The following AOAH variants were observed in gnomAD, a reference collection of about 807,000 sequenced individuals.
AOAH encodes the protein acyloxyacyl hydrolase.
A neutral mutation model predicts 92.2 loss-of-function variants in AOAH; 64 were observed. The ratio of observed to expected loss-of-function variants is 0.69; its 90% confidence interval spans 0.57 to 0.86. AOAH has a LOEUF of 0.86. Among genes scored for constraint, AOAH ranks in the 40% least tolerant of loss-of-function variants. AOAH has a pLI of 0.00. For synonymous variants in AOAH, 263 were observed against 254.5 expected, an observed-to-expected ratio of 1.03 and a Z score of -0.32; for missense variants, 656 against 694.6, an observed-to-expected ratio of 0.94 and a Z score of 0.62.
chr7:36,665,829 C>T (rs1795499372), intron 3 of AOAH, among the ~76,000 whole-genome samples: 1 of 151,898 alleles, frequency 6.6e-6, no homozygotes, highest in Non-Finnish European at 1.5e-5. Context: ...CTTTTTGAGC[C>T]TGTTGATACG....
chr7:36,517,256 G>GTCTCTC (rs1562854226), intron 20 of AOAH, among the ~76,000 whole-genome samples: 11 of 39,130 alleles, frequency 2.8e-4, no homozygotes, highest in African/African-American at 9.0e-4. Flanking sequence ...TTCTTTCTGT[G>GTCTCTC]TCTCTCTCTT....
intron 12 of AOAH, among the ~76,000 whole-genome samples, chr7:36,579,402 C>T (rs564986445): frequency 6.0e-5 from 9 of 149,512 alleles, no homozygotes; most frequent in South Asian, 4.2e-4. Flanking sequence ...TATAATAAAA[C>T]GACTATTGTT....
intron 13 of AOAH, 95 bp from the exon 14 acceptor site, chr7:36,549,570 C>T (rs1472783922): frequency 1.2e-6 from 1 of 848,448 alleles, no homozygotes; most frequent in East Asian, 2.5e-5. Flanking sequence ...ATGAAAGCGG[C>T]ATTACTGTTC....
At chr7:36,659,747 TTTTC>T in intron 3 of AOAH, among the ~76,000 whole-genome samples, 1 of 139,124 alleles carries the variant, frequency 7.2e-6, no homozygotes, top group East Asian at 2.3e-4. Flanking sequence ...CATATTTCTT[TTTTC>T]TTTCTTTTTT....
intron 11 of AOAH, among the ~76,000 whole-genome samples, chr7:36,596,584 G>A (rs1020401128): frequency 2.0e-5 from 3 of 152,170 alleles, no homozygotes; most frequent in African/African-American, 7.2e-5. Flanking sequence ...GGAAGGCCGT[G>A]CAATGGTGGA....
chr7:36,668,201 G>A (rs1795676402), intron 3 of AOAH, among the ~76,000 whole-genome samples: 1 of 152,102 alleles, frequency 6.6e-6, no homozygotes. Context: ...TTTTGTGTGT[G>A]TGTGTGTGTC....
intron 13 of AOAH, among the ~76,000 whole-genome samples, chr7:36,570,934 G>A (rs901935526): frequency 2.6e-5 from 4 of 152,106 alleles, no homozygotes; most frequent in African/African-American, 7.2e-5. Context: ...AGCTAATATC[G>A]GCCCCATGTG....
chr7:36,702,383 C>T (rs1798082404), intron 1 of AOAH, among the ~76,000 whole-genome samples: 1 of 152,102 alleles, frequency 6.6e-6, no homozygotes, highest in Non-Finnish European at 1.5e-5. Context: ...TTTGGTTTAT[C>T]TGGGAATGTG....
At chr7:36,696,932 T>C (rs2116861040) in intron 1 of AOAH, among the ~76,000 whole-genome samples, 1 of 152,322 alleles carries the variant, frequency 6.6e-6, no homozygotes, top group East Asian at 1.9e-4. Context: ...TCAGTTCTAG[T>C]AGTTTTTTTT....
chr7:36,689,496 G>T (rs908454307), intron 1 of AOAH, among the ~76,000 whole-genome samples: 6 of 152,168 alleles, frequency 3.9e-5, no homozygotes, highest in African/African-American at 1.4e-4. Flanking sequence ...GGCTGAAGGG[G>T]CAGAAGTGCT....
chr7:36,714,482 C>G (rs1798992316), intron 1 of AOAH, among the ~76,000 whole-genome samples: 1 of 152,172 alleles, frequency 6.6e-6, no homozygotes, highest in South Asian at 2.1e-4. Context: ...TTTTATGAGG[C>G]CAGCATCATC....
intron 1 of AOAH, among the ~76,000 whole-genome samples, chr7:36,714,822 G>A (rs904695173): frequency 6.6e-4 from 101 of 152,196 alleles, no homozygotes; most frequent in African/African-American, 2.2e-3. Flanking sequence ...TTGATGGGAC[G>A]TATCTCAAAA....
At chr7:36,656,882 G>C (rs1243247266) in intron 4 of AOAH, among the ~76,000 whole-genome samples, 1 of 149,382 alleles carries the variant, frequency 6.7e-6, no homozygotes, top group African/African-American at 2.5e-5. Context: ...AGGTTTGGTG[G>C]GGGGTGTTGG....
intron 1 of AOAH, among the ~76,000 whole-genome samples, chr7:36,707,438 A>G (rs1231426885): frequency 6.6e-6 from 1 of 152,178 alleles, no homozygotes; most frequent in Admixed American, 6.6e-5. Context: ...AGTTTGAAAT[A>G]TCCTGAGAAT....
chr7:36,717,606 T>A (rs1438310077), intron 1 of AOAH, among the ~76,000 whole-genome samples: 1 of 152,154 alleles, frequency 6.6e-6, no homozygotes, highest in Non-Finnish European at 1.5e-5. Flanking sequence ...GAGAACTCTC[T>A]GGGTTCCTGG....
Position 36,678,742 on chromosome 7 carries a change from C to A in AOAH, c.224-4733G>T, listed in dbSNP as rs531985814. 7.2e-5 allele frequency among the ~76,000 whole-genome samples: 11 copies of A among 152,210 alleles called. No individual in the cohort carries two copies. The South Asian group carries it at 2.3e-3, about 32-fold the overall frequency. ...GCTTGAGAGGCCCCTGGAGCAATGG[C>A]TGATATGGGACAGGAAATGCTCTCT... On this transcript the variant is annotated intron_variant, in intron 2 of 20. Coordinates refer to ENST00000617537, the MANE Select transcript of AOAH (RefSeq NM_001637.4).
chr7:36,547,871 A>G (rs1237672615), intron 15 of AOAH, among the ~76,000 whole-genome samples: 1 of 152,178 alleles, frequency 6.6e-6, no homozygotes, highest in African/African-American at 2.4e-5. Context: ...ATTGCCCATG[A>G]GTTATCCGCA....
chr7:36,669,333 C>T (rs1232825530), intron 3 of AOAH, among the ~76,000 whole-genome samples: 1 of 147,186 alleles, frequency 6.8e-6, no homozygotes, highest in Non-Finnish European at 1.5e-5. Context: ...TTCTATAAAT[C>T]TTGTAATTAT....
At chr7:36,550,561 C>G (rs1786156681) in intron 13 of AOAH, among the ~76,000 whole-genome samples, 1 of 152,146 alleles carries the variant, frequency 6.6e-6, no homozygotes, top group East Asian at 1.9e-4. Flanking sequence ...CAGTTCATAC[C>G]AGTCCCTTCC....
Sources: allele counts gnomAD v4.1 joint callset (sites outside exome capture counted in the v4.1 genomes callset), GRCh38; gene constraint gnomAD v4.1.1; transcripts MANE v1.5; gene names NCBI Gene and HGNC (gene_info 2026-07-23, HGNC 2026-07-21).